The following RIPOR2 variants were observed in gnomAD, a reference collection of about 807,000 sequenced individuals.
RIPOR2 encodes RHO family interacting cell polarization regulator 2.
A neutral mutation model predicts 114.5 loss-of-function variants in RIPOR2; 39 were observed. The observed-to-expected ratio is 0.34, with a 90% confidence interval of 0.26 to 0.44. RIPOR2 has a LOEUF of 0.44. Ranked by LOEUF, RIPOR2 falls within the 20% of genes least tolerant of loss-of-function variation. RIPOR2 has a pLI of 1.00. For synonymous variants in RIPOR2, 445 were observed against 484.4 expected (o/e 0.92, Z 1.07); for missense variants, 1,007 against 1,255.1 (o/e 0.80, Z 2.99).
At chr6:24,944,372 T>C (rs1373171429) in intron 1 of RIPOR2, among the ~76,000 whole-genome samples, 1 of 152,102 alleles carries the variant, frequency 6.6e-6, no homozygotes, top group Non-Finnish European at 1.5e-5. Context: ...AGTGTACCAC[T>C]AAGCTAATCA....
At chr6:25,026,851 A>G (rs1219456455) in intron 1 of RIPOR2, among the ~76,000 whole-genome samples, 13 of 152,194 alleles carry the variant, frequency 8.5e-5, no homozygotes, top group Non-Finnish European at 1.0e-4. Flanking sequence ...GGGGAAATAA[A>G]TAATAACTCA....
In RIPOR2 at chr6:24,805,676, G is replaced by C. The variant is rs961386281; in HGVS notation, c.*697C>G. 2 of 152,096 alleles carry C rather than the reference G, an allele frequency of 1.3e-5. No individual in the cohort carries two copies. Among genetic ancestry groups the C allele is most frequent in the Non-Finnish European group, 2.9e-5 (2 of 68,016 alleles). The allele number at this position is 152,096 out of a possible 1,614,324, so 9.4% of individuals were successfully genotyped here. A position where few individuals can be genotyped will look rare whatever the true frequency, so the allele number is the denominator to read the frequency against. The stretch of plus-strand genomic sequence containing the variant: ...TACTCAACCCTGAGAACACGACCGA[G>C]AAAAACTGCAAGGCATATGATGTTT... On this transcript the variant is annotated 3_prime_UTR_variant, in exon 22 of 22. Coordinates refer to ENST00000643898, the MANE Select transcript of RIPOR2 (RefSeq NM_001286445.3).
In RIPOR2 at chr6:24,927,130, C is replaced by CACCACCACCACCACAACTACAA. The variant is rs1561782361; in HGVS notation, c.61+8707_61+8708insTTGTAGTTGTGGTGGTGGTGGT. Among the ~76,000 whole-genome samples, 12 of 4,876 alleles carry CACCACCACCACCACAACTACAA rather than the reference C, an allele frequency of 2.5e-3. 5 individuals are homozygous for CACCACCACCACCACAACTACAA. The highest frequency in any genetic ancestry group is 0.011 in the East Asian group (2 of 180). The allele number at this position is 4,876 out of a possible 152,430, so 3.2% of individuals were successfully genotyped here. ...CCACCATGATTATTATAATCATCATCTCACTACCACCACCACCACCACCAC... is the reference window on the plus strand; with the variant it reads ...CCACCATGATTATTATAATCATCATCACCACCACCACCACAACTACAATCACTACCACCACCACCACCACCAC... On this transcript the variant is annotated intron_variant, in intron 1 of 21. Coordinates refer to ENST00000643898, the MANE Select transcript of RIPOR2 (RefSeq NM_001286445.3).
rs1760743347 is a variant in RIPOR2 at position 24,832,220 on chromosome 6, T to C, written c.2344+36A>G. On this transcript the variant is annotated intron_variant, in intron 16 of 21. Coordinates refer to ENST00000643898, the MANE Select transcript of RIPOR2 (RefSeq NM_001286445.3). ...GTGGACTGGGCTAGTGGTGTCATCA[T>C]TTACGTGAATAGCGGTGTAACTGGC... 7.1e-6 allele frequency: 11 copies of C among 1,547,828 alleles called. No homozygotes were observed. In the South Asian group the frequency reaches 1.3e-4, roughly 18 times the overall value.
intron 4 of RIPOR2, among the ~76,000 whole-genome samples, chr6:24,871,971 T>G (rs1765223750): frequency 6.6e-6 from 1 of 152,220 alleles, no homozygotes; most frequent in Non-Finnish European, 1.5e-5. Flanking sequence ...TTAACATTGA[T>G]AAAGCCTTGA....
chr6:24,943,164 G>T (rs1324084988), intron 1 of RIPOR2, among the ~76,000 whole-genome samples: 3 of 152,164 alleles, frequency 2.0e-5, no homozygotes, highest in African/African-American at 7.2e-5. Flanking sequence ...TGCAGCCATA[G>T]AAAATGATGA....
In RIPOR2 at chr6:24,889,879, AT is replaced by A. The variant is rs1476931386; in HGVS notation, c.62-14063del. 4.0e-5 allele frequency among the ~76,000 whole-genome samples: 6 copies of A among 151,864 alleles called. No individual in the cohort carries two copies. The East Asian group carries it at 9.6e-4, about 24-fold the overall frequency. The stretch of plus-strand genomic sequence containing the variant: ...AAAAGATACCTGCACCTGTATGTTC[AT>A]TTTTTTATTTTATTTTATTTTATTT... On this transcript the variant is annotated intron_variant, in intron 1 of 21. Coordinates refer to ENST00000643898, the MANE Select transcript of RIPOR2 (RefSeq NM_001286445.3).
intron 1 of RIPOR2, among the ~76,000 whole-genome samples, chr6:24,982,954 G>A (rs1413995764): frequency 6.6e-6 from 1 of 152,136 alleles, no homozygotes; most frequent in Non-Finnish European, 1.5e-5. Context: ...GTGATACTAA[G>A]ACCAATGTAC....
intron 1 of RIPOR2, among the ~76,000 whole-genome samples, chr6:25,032,161 G>A (rs926948648): frequency 6.6e-6 from 1 of 150,968 alleles, no homozygotes; most frequent in Non-Finnish European, 1.5e-5. Flanking sequence ...CTTTGATGCG[G>A]TATCAGCAAG....
chr6:25,017,395 C>G (rs575070857), intron 1 of RIPOR2, among the ~76,000 whole-genome samples: 98 of 152,326 alleles, frequency 6.4e-4, no homozygotes, highest in African/African-American at 2.2e-3. Flanking sequence ...TTTTTACTGT[C>G]TTACATCTAG....
At chr6:24,826,688 G>A (rs1016221792) in intron 18 of RIPOR2, among the ~76,000 whole-genome samples, 4 of 151,766 alleles carry the variant, frequency 2.6e-5, no homozygotes, top group African/African-American at 7.3e-5. Flanking sequence ...ATTCAAATGC[G>A]GAACTATTAA....
chr6:25,023,455 T>A, intron 1 of RIPOR2: 1 of 766,990 alleles, frequency 1.3e-6, no homozygotes. Flanking sequence ...GCGCTTTCCC[T>A]CCCACTTGCC....
chr6:25,036,269 G>A (rs895675), intron 1 of RIPOR2, among the ~76,000 whole-genome samples: 8,344 of 152,240 alleles, frequency 0.055, 265 homozygotes, highest in Non-Finnish European at 0.068. Flanking sequence ...CTTTGTCACT[G>A]TTGTCTTTTC....
chr6:24,935,784 G>T, intron 1 of RIPOR2, 54 bp downstream of exon 1: 1 of 1,342,344 alleles, frequency 7.4e-7, no homozygotes, highest in Non-Finnish European at 1.0e-6. Context: ...GTCCAGTGGT[G>T]TCAAAACAAA....
Position 25,022,386 on chromosome 6 carries a change from G to A in RIPOR2, c.76+19465C>T, listed in dbSNP as rs377621162. On this transcript the variant is annotated intron_variant, in intron 1 of 13. Transcript: ENST00000510784. ...TAATGCATTTGAGAATAATCCATGT[G>A]GTTGCATGCCTCAGTTCATTCATTT... Among the ~76,000 whole-genome samples the A allele has an allele frequency of 3.9e-5, 6 of 151,972 alleles. No individual in the cohort carries two copies. In the East Asian group the frequency reaches 9.7e-4, roughly 24 times the overall value.
At chr6:25,003,407 T>G (rs866548990) in intron 1 of RIPOR2, among the ~76,000 whole-genome samples, 22 of 146,140 alleles carry the variant, frequency 1.5e-4, no homozygotes, top group African/African-American at 5.0e-4. Flanking sequence ...ATTATTATTA[T>G]TATTATTATT....
upstream of RIPOR2, among the ~76,000 whole-genome samples, chr6:24,938,821 T>A (rs141523059): frequency 6.6e-6 from 1 of 152,166 alleles, no homozygotes; most frequent in Non-Finnish European, 1.5e-5. Flanking sequence ...GTTCTTGCTC[T>A]CCAAAGTTTA....
At chr6:25,001,703 T>C (rs1775331167) in intron 1 of RIPOR2, among the ~76,000 whole-genome samples, 3 of 140,742 alleles carry the variant, frequency 2.1e-5, no homozygotes, top group Non-Finnish European at 3.1e-5. Context: ...CTTTCTTTCT[T>C]TTTTTTTTTT....
chr6:24,866,260 C>A (rs192461721), intron 6 of RIPOR2, among the ~76,000 whole-genome samples: 2 of 152,066 alleles, frequency 1.3e-5, no homozygotes, highest in East Asian at 3.9e-4. Context: ...TTTTGCTACA[C>A]ATCTACACTT....
Sources: gnomAD v4.1 joint callset for allele counts (sites outside exome capture counted in the v4.1 genomes callset) on GRCh38, gnomAD v4.1.1 for gene constraint, MANE v1.5 for transcripts, NCBI Gene and HGNC (gene_info 2026-07-23, HGNC 2026-07-21) for gene names.